Variants in CERT1 observed in about 807,000 individuals in gnomAD.
CERT1 encodes ceramide transfer protein.
Under a neutral mutation model 87.9 loss-of-function variants are expected in CERT1, and 31 were observed. The observed-to-expected ratio is 0.35, with a 90% CI of 0.27 to 0.48. The LOEUF (loss-of-function observed/expected upper bound fraction) is 0.48. Among genes scored for constraint, CERT1 ranks in the 20% least tolerant of loss-of-function variants. CERT1 has a pLI of 0.99. For synonymous variants in CERT1, 289 were observed against 250.9 expected, an observed-to-expected ratio of 1.15 and a Z score of -1.44; for missense variants, 487 against 758.0, an observed-to-expected ratio of 0.64 and a Z score of 4.20.
chr5:75,455,348 A>G (rs758893513), intron 3 of CERT1, among the ~76,000 whole-genome samples: 3 of 152,174 alleles, frequency 2.0e-5, no homozygotes, highest in East Asian at 1.9e-4. Flanking sequence ...GATGCAGAAA[A>G]TGCTTTCCAA....
chr5:75,501,449 G>A (rs59367133), intron 2 of CERT1, among the ~76,000 whole-genome samples: 11,913 of 152,244 alleles, frequency 0.078, 554 homozygotes, highest in South Asian at 0.17. Context: ...TACAAAGGCA[G>A]ATGCCTAAGG....
chr5:75,509,042 GATTT>G (rs1291385214), intron 1 of CERT1, among the ~76,000 whole-genome samples: 1 of 152,006 alleles, frequency 6.6e-6, no homozygotes, highest in Non-Finnish European at 1.5e-5. Flanking sequence ...ACACTTAAGT[GATTT>G]ATAAGAAATA....
intron 3 of CERT1, among the ~76,000 whole-genome samples, chr5:75,433,432 A>G (rs185396541): frequency 6.6e-6 from 1 of 152,272 alleles, no homozygotes; most frequent in African/African-American, 2.4e-5. Context: ...CTGTATTCCT[A>G]GGTATTTAAT....
rs562009274 is a variant in CERT1, at chr5:75,460,843, T to C, written c.232-1662A>G. Among the ~76,000 whole-genome samples, 24 of 152,302 alleles carry C rather than the reference T, an allele frequency of 1.6e-4. No individual in the cohort carries two copies. The South Asian group carries it at 5.0e-3, about 32-fold the overall frequency. Reference sequence around the variant, plus strand: ...TGAAACAACTTAAGATAAGAAATCATGGTTCTGACTGATTAAAGGATTCAA... The same window carrying C: ...TGAAACAACTTAAGATAAGAAATCACGGTTCTGACTGATTAAAGGATTCAA... On this transcript the variant is annotated intron_variant, in intron 2 of 16. Coordinates refer to ENST00000643780, the MANE Select transcript of CERT1 (RefSeq NM_001379029.1).
intron 16 of CERT1, among the ~76,000 whole-genome samples, chr5:75,379,947 G>A (rs1293604965): frequency 6.6e-6 from 1 of 152,080 alleles, no homozygotes; most frequent in African/African-American, 2.4e-5. Flanking sequence ...GACATAATCA[G>A]ACAGCAAATA....
At chr5:75,490,111 C>A (rs1561299531) in intron 2 of CERT1, among the ~76,000 whole-genome samples, 1 of 152,230 alleles carries the variant, frequency 6.6e-6, no homozygotes, top group East Asian at 1.9e-4. Context: ...AAACCAAACA[C>A]CGTATGTTCT....
downstream of CERT1, chr5:75,374,634 G>A: frequency 1.5e-6 from 1 of 655,140 alleles, no homozygotes. Flanking sequence ...CGAAGCGAGT[G>A]TCTTTGATGT....
In CERT1 at chr5:75,377,789, TTTTGAC is replaced by T. The variant is rs1418036976; in HGVS notation, c.*1551_*1556del. The T allele has an allele frequency of 1.3e-5, 2 of 152,104 alleles. No individual in the cohort carries two copies. The highest frequency in any genetic ancestry group is 2.9e-5 in the Non-Finnish European group (2 of 68,032). The allele number at this position is 152,104 out of a possible 1,614,324, so 9.4% of individuals were successfully genotyped here. On this transcript the variant is annotated 3_prime_UTR_variant, in exon 17 of 17. Coordinates refer to ENST00000643780, the MANE Select transcript of CERT1 (RefSeq NM_001379029.1). ...ATTTTACTGTATAACTTTTTCATAC[TTTTGAC>T]TTTATTTATTTATTTTTTGACAGAC...
At chr5:75,380,614 C>T (rs1490106195) in intron 16 of CERT1, among the ~76,000 whole-genome samples, 1 of 151,764 alleles carries the variant, frequency 6.6e-6, no homozygotes, top group Non-Finnish European at 1.5e-5. Flanking sequence ...TGGTGAAACC[C>T]CGTCTCTACT....
At chr5:75,425,242 G>C in intron 5 of CERT1, 119 bp downstream of exon 5, 4 of 914,188 alleles carry the variant, frequency 4.4e-6, no homozygotes, top group Non-Finnish European at 6.5e-6. Context: ...TTCACTGGGG[G>C]TTTGCAGCAA....
chr5:75,386,463 C>A (rs1761788515), intron 12 of CERT1, among the ~76,000 whole-genome samples: 1 of 152,204 alleles, frequency 6.6e-6, no homozygotes, highest in Non-Finnish European at 1.5e-5. Flanking sequence ...AATAGGCACT[C>A]AGTTATTTGT....
intron 3 of CERT1, among the ~76,000 whole-genome samples, chr5:75,434,966 A>G (rs1362605346): frequency 1.3e-5 from 2 of 152,090 alleles, no homozygotes; most frequent in African/African-American, 2.4e-5. Flanking sequence ...CACAGATTAC[A>G]TGTCTCAGTT....
intron 6 of CERT1, 21 bp downstream of exon 6, chr5:75,419,319 AG>A (rs1477035155): frequency 4.7e-6 from 7 of 1,475,524 alleles, no homozygotes; most frequent in Non-Finnish European, 6.6e-6. Flanking sequence ...TATCCAGCTG[AG>A]GGGAAAAATG....
intron 3 of CERT1, among the ~76,000 whole-genome samples, chr5:75,435,065 T>C (rs1342236628): frequency 6.6e-6 from 1 of 152,162 alleles, no homozygotes; most frequent in East Asian, 1.9e-4. Flanking sequence ...TGATGTTAGG[T>C]TGTAAATTTG....
chr5:75,388,456 G>A (rs1054713877), intron 12 of CERT1, among the ~76,000 whole-genome samples: 1 of 151,582 alleles, frequency 6.6e-6, no homozygotes, highest in Non-Finnish European at 1.5e-5. Context: ...TTTAATTCCA[G>A]ATGTAGTTCA....
At chr5:75,471,754 CAAAAAAAAAAAA>C (rs796209502) in intron 2 of CERT1, among the ~76,000 whole-genome samples, 3 of 50,806 alleles carry the variant, frequency 5.9e-5, no homozygotes, top group East Asian at 6.1e-4. Context: ...GACTTCATCT[CAAAAAAAAAAAA>C]AAAAAAAAAG....
At chr5:75,406,526 C>T (rs1762711155) in intron 8 of CERT1, among the ~76,000 whole-genome samples, 1 of 151,686 alleles carries the variant, frequency 6.6e-6, no homozygotes. Flanking sequence ...GTGTAGTGCC[C>T]TACATTATGG....
intron 2 of CERT1, among the ~76,000 whole-genome samples, chr5:75,474,601 T>TA (rs1473222023): frequency 6.6e-6 from 1 of 152,074 alleles, no homozygotes; most frequent in Non-Finnish European, 1.5e-5. Context: ...CAGTGGATGA[T>TA]AGTCTCATGT....
At chr5:75,446,074 G>A (rs751608113) in intron 3 of CERT1, among the ~76,000 whole-genome samples, 1 of 151,902 alleles carries the variant, frequency 6.6e-6, no homozygotes, top group Non-Finnish European at 1.5e-5. Flanking sequence ...GGAAGTTTTC[G>A]GCCATTATCT....
Sources: allele counts gnomAD v4.1 joint callset (sites outside exome capture counted in the v4.1 genomes callset), GRCh38; gene constraint gnomAD v4.1.1; transcripts MANE v1.5; gene names NCBI Gene and HGNC (gene_info 2026-07-23, HGNC 2026-07-21).